TRIM14: variants seen among roughly 807,000 people sequenced by gnomAD.
TRIM14 encodes tripartite motif containing 14.
In TRIM14, 28 loss-of-function variants were observed where a neutral mutation model predicts 44.5. The observed-to-expected ratio is 0.63, with a 90% CI of 0.47 to 0.86. The LOEUF (loss-of-function observed/expected upper bound fraction) is 0.86. Among genes scored for constraint, TRIM14 ranks in the 40% least tolerant of loss-of-function variants. The pLI, the probability that TRIM14 is intolerant of heterozygous loss-of-function variation, is 0.00. For missense variants in TRIM14, 607 were observed against 611.1 expected (o/e 0.99, Z 0.07); for synonymous variants, 299 against 269.2 (o/e 1.11, Z -1.08).
the TRIM14 span, chr9:98,060,718 G>C: frequency 2.7e-6 from 4 of 1,495,042 alleles, no homozygotes; most frequent in Non-Finnish European, 3.7e-6. Flanking sequence ...GGTTGCTCCA[G>C]AATTTTTTCC....
At chr9:98,080,835 C>T (rs1829820595), downstream of TRIM14, 3 of 1,584,258 alleles carry the variant, frequency 1.9e-6, no homozygotes, top group South Asian at 1.1e-5. Context: ...AAGCTCTTTC[C>T]TGACATTCCC....
chr9:98,056,156 T>A, the TRIM14 span, among the ~76,000 whole-genome samples: 1 of 152,214 alleles, frequency 6.6e-6, no homozygotes, highest in Non-Finnish European at 1.5e-5. Context: ...CTGTTGCCTC[T>A]CATATAATAG....
chr9:98,076,621 C>G (rs1370409850), intron 6 of TRIM14: 4 of 323,430 alleles, frequency 1.2e-5, no homozygotes, highest in Non-Finnish European at 2.3e-5. Context: ...GTGATCTGCC[C>G]GCCTCGGCCT....
chr9:98,065,801 A>C (rs1243679661), downstream of TRIM14, among the ~76,000 whole-genome samples: 7 of 152,060 alleles, frequency 4.6e-5, no homozygotes, highest in East Asian at 1.3e-3. Context: ...TGCTATTCTC[A>C]TGATAGTGAA....
the TRIM14 span, among the ~76,000 whole-genome samples, chr9:98,036,419 G>C: frequency 6.7e-6 from 1 of 149,030 alleles, no homozygotes; most frequent in Non-Finnish European, 1.5e-5. Flanking sequence ...GAGAATCGCA[G>C]GAATCTGGGA....
chr9:98,072,702 C>T (rs1829396552), intron 6 of TRIM14, among the ~76,000 whole-genome samples: 1 of 152,154 alleles, frequency 6.6e-6, no homozygotes, highest in South Asian at 2.1e-4. Flanking sequence ...AGCCACCGTG[C>T]CCGGCAGGAA....
intron 1 of TRIM14, among the ~76,000 whole-genome samples, chr9:98,111,976 T>C (rs1275624796): frequency 1.3e-5 from 2 of 152,096 alleles, no homozygotes; most frequent in Admixed American, 1.3e-4. Flanking sequence ...AGTAACTTAA[T>C]ATCATGTTAT....
rs113952184 is a variant in TRIM14, at chr9:98,073,080, A to G, written c.*29-3393T>C. Among the ~76,000 whole-genome samples the G allele has an allele frequency of 7.7e-3, 1,167 of 152,110 alleles. 10 individuals carry two copies. The highest frequency in any genetic ancestry group is 0.027 in the African/African-American group (1,106 of 41,490). On this transcript the variant is annotated intron_variant, in intron 6 of 6. Coordinates refer to the TRIM14 transcript ENST00000375098. ...AAGGCAAATGGAAGCCATGACCAAAAAGGTGACTCCTGAGGGACATGCTCT... is the reference window on the plus strand; with the variant it reads ...AAGGCAAATGGAAGCCATGACCAAAGAGGTGACTCCTGAGGGACATGCTCT...
chr9:98,039,047 T>TAA, the TRIM14 span, among the ~76,000 whole-genome samples: 1 of 142,564 alleles, frequency 7.0e-6, no homozygotes, highest in African/African-American at 2.6e-5. Flanking sequence ...AGACTACGTC[T>TAA]AAAAAAAAAA....
the TRIM14 span, among the ~76,000 whole-genome samples, chr9:98,035,811 G>C: frequency 6.6e-6 from 1 of 152,172 alleles, no homozygotes; most frequent in Admixed American, 6.6e-5. Context: ...GGCAGAATGT[G>C]GCCTGAGAAC....
intron 5 of TRIM14, 92 bp from the exon 6 acceptor site, chr9:98,088,097 A>C: frequency 7.6e-7 from 1 of 1,320,560 alleles, no homozygotes; most frequent in Non-Finnish European, 9.8e-7. Flanking sequence ...GCAAATCACA[A>C]AATGCGAAGC....
At chr9:98,107,244 A>G (rs890337849) in intron 2 of TRIM14, among the ~76,000 whole-genome samples, 3 of 152,234 alleles carry the variant, frequency 2.0e-5, no homozygotes, top group Non-Finnish European at 2.9e-5. Flanking sequence ...CTTAAAAAAC[A>G]AAACAGGCAG....
intron 6 of TRIM14, chr9:98,076,953 A>C: frequency 6.2e-7 from 1 of 1,612,472 alleles, no homozygotes; most frequent in East Asian, 2.2e-5. Context: ...TGAATGTTCC[A>C]TTTTTCAAAG....
At chr9:98,116,785 A>G (rs1463292699) in intron 1 of TRIM14, among the ~76,000 whole-genome samples, 3 of 151,428 alleles carry the variant, frequency 2.0e-5, no homozygotes, top group African/African-American at 7.3e-5. Context: ...TGGAGGTTGC[A>G]GTGAGCCACG....
chr9:98,043,101 T>C, the TRIM14 span, among the ~76,000 whole-genome samples: 3 of 152,082 alleles, frequency 2.0e-5, no homozygotes, highest in East Asian at 1.9e-4. Context: ...CCTCTTTTTT[T>C]CCCCCTATTT....
chr9:98,108,737 AT>A lies in TRIM14; in HGVS notation c.303+1151del, dbSNP rs555677605. Among the ~76,000 whole-genome samples the A allele has an allele frequency of 8.3e-3, 1,263 of 152,120 alleles. 20 individuals are homozygous for A. The highest frequency in any genetic ancestry group is 0.029 in the African/African-American group (1,185 of 41,470). On this transcript the variant is annotated intron_variant, in intron 2 of 5. Coordinates refer to ENST00000341469, the MANE Select transcript of TRIM14 (RefSeq NM_014788.4). ...GTCTTCAGGGTACTGGCAAACTGTC[AT>A]GAAGACAACTGACAGAGAATGGACT... is the stretch of plus-strand genomic sequence containing the variant.
At chr9:98,071,549 A>C (rs900184760) in intron 6 of TRIM14, among the ~76,000 whole-genome samples, 2 of 152,226 alleles carry the variant, frequency 1.3e-5, no homozygotes, top group African/African-American at 2.4e-5. Context: ...TATTCAGTGA[A>C]TATCAGTTAC....
downstream of TRIM14, chr9:98,082,841 C>G (rs752396360): frequency 1.7e-5 from 27 of 1,613,470 alleles, no homozygotes; most frequent in Non-Finnish European, 2.0e-5. Context: ...TCATTTTGTC[C>G]ACAGCTGGGC....
chr9:98,074,981 T>C (rs1259684352), intron 6 of TRIM14: 3 of 152,144 alleles, frequency 2.0e-5, no homozygotes, highest in Non-Finnish European at 2.9e-5. Context: ...AGCAGTGTTA[T>C]GAGACACAAA....
Sources: gnomAD v4.1 joint callset for allele counts (sites outside exome capture counted in the v4.1 genomes callset) on GRCh38, gnomAD v4.1.1 for gene constraint, MANE v1.5 for transcripts, NCBI Gene and HGNC (gene_info 2026-07-23, HGNC 2026-07-21) for gene names.